The following PCCA variants were observed in gnomAD, a reference collection of about 807,000 sequenced individuals.
PCCA encodes propionyl-CoA carboxylase alpha chain, mitochondrial.
Under a neutral mutation model 101.3 loss-of-function variants are expected in PCCA, and 74 were observed. That is an observed-to-expected ratio of 0.73 (90% CI 0.61 to 0.89). The LOEUF is 0.89. Among genes scored for constraint, PCCA ranks in the 40% least tolerant of loss-of-function variants. PCCA has a pLI of 0.00. For synonymous variants in PCCA, 294 were observed against 313.6 expected (o/e 0.94, Z 0.66); for missense variants, 891 against 907.0 (o/e 0.98, Z 0.23).
intron 1 of PCCA, among the ~76,000 whole-genome samples, chr13:100,098,407 A>G (rs1459446945): frequency 8.5e-5 from 13 of 152,066 alleles, no homozygotes; most frequent in Admixed American, 8.5e-4. Context: ...GCCATATTGG[A>G]TGGAACAGCT....
chr13:100,431,936 TCC>T (rs1471649298), intron 20 of PCCA, among the ~76,000 whole-genome samples: 1 of 151,956 alleles, frequency 6.6e-6, no homozygotes, highest in African/African-American at 2.4e-5. Flanking sequence ...AAGCCTGTAA[TCC>T]CAGCACTTTG....
chr13:100,417,564 C>T (rs1387884028), intron 19 of PCCA, among the ~76,000 whole-genome samples: 1 of 152,102 alleles, frequency 6.6e-6, no homozygotes, highest in Non-Finnish European at 1.5e-5. Context: ...TGGCAGTCTG[C>T]CTGAGAGATG....
intron 2 of PCCA, among the ~76,000 whole-genome samples, chr13:100,106,662 G>A (rs1033065916): frequency 1.3e-5 from 2 of 152,044 alleles, no homozygotes; most frequent in Non-Finnish European, 2.9e-5. Flanking sequence ...TGATCCACCT[G>A]TCTCCACCTC....
chr13:100,329,567 T>A lies in PCCA; in HGVS notation c.1430-994T>A, dbSNP rs77344915. ...TGGCATTTGAAGCAAATTGGAAGGA[T>A]GAAAAAGCTCCATGAGTGGGTGCCT... On this transcript the variant is annotated intron_variant, in intron 16 of 23. Coordinates refer to ENST00000376285, the MANE Select transcript of PCCA (RefSeq NM_000282.4). Among the ~76,000 whole-genome samples the A allele has an allele frequency of 3.8e-3, 586 of 152,270 alleles. 5 individuals carry two copies. The highest frequency in any genetic ancestry group is 0.013 in the African/African-American group (559 of 41,552).
At chr13:100,140,281 C>T (rs1256329122) in intron 4 of PCCA, among the ~76,000 whole-genome samples, 2 of 152,134 alleles carry the variant, frequency 1.3e-5, no homozygotes, top group East Asian at 3.9e-4. Flanking sequence ...TTTACCTGCC[C>T]TCTTGAGACT....
At chr13:100,220,426 ATTTTTT>A (rs34275910) in intron 7 of PCCA, among the ~76,000 whole-genome samples, 3 of 132,516 alleles carry the variant, frequency 2.3e-5, no homozygotes. Context: ...TGCCTGACTA[ATTTTTT>A]TTTTTTTTTT....
chr13:100,294,059 G>T (rs945133560), intron 12 of PCCA, among the ~76,000 whole-genome samples: 5 of 152,288 alleles, frequency 3.3e-5, no homozygotes, highest in Non-Finnish European at 7.4e-5. Context: ...TCTGGAGGCT[G>T]GAAGTCCAAA....
intron 20 of PCCA, among the ~76,000 whole-genome samples, chr13:100,439,858 C>G (rs2080211235): frequency 6.6e-6 from 1 of 152,016 alleles, no homozygotes; most frequent in South Asian, 2.1e-4. Flanking sequence ...CTAACAATTT[C>G]TGCATTTGTG....
intron 4 of PCCA, among the ~76,000 whole-genome samples, chr13:100,114,096 T>C (rs1448297809): frequency 1.3e-5 from 2 of 151,926 alleles, no homozygotes; most frequent in East Asian, 3.9e-4. Flanking sequence ...CATCAAGACA[T>C]CAGTAGGCAT....
intron 12 of PCCA, among the ~76,000 whole-genome samples, chr13:100,299,298 C>T (rs528362325): frequency 1.6e-4 from 24 of 152,304 alleles, no homozygotes; most frequent in African/African-American, 5.8e-4. Flanking sequence ...TTTTCCTACA[C>T]AGTTAAAGAT....
At chr13:100,468,823 G>A (rs942573176) in intron 21 of PCCA, among the ~76,000 whole-genome samples, 6 of 152,104 alleles carry the variant, frequency 3.9e-5, no homozygotes, top group South Asian at 2.1e-4. Context: ...TCAGGAGTTC[G>A]AGACCAGCCT....
At chr13:100,514,673 G>A (rs2086703414) in intron 21 of PCCA, among the ~76,000 whole-genome samples, 1 of 152,144 alleles carries the variant, frequency 6.6e-6, no homozygotes, top group Non-Finnish European at 1.5e-5. Flanking sequence ...AAATATGCCC[G>A]ATTGTTTGAG....
At chr13:100,510,544 G>A (rs1238164495) in intron 21 of PCCA, among the ~76,000 whole-genome samples, 1 of 152,216 alleles carries the variant, frequency 6.6e-6, no homozygotes, top group Non-Finnish European at 1.5e-5. Context: ...TCTGAGCTGG[G>A]AGATTGAAGA....
At chr13:100,202,194 C>T (rs1025139572) in intron 6 of PCCA, among the ~76,000 whole-genome samples, 1 of 141,818 alleles carries the variant, frequency 7.1e-6, no homozygotes, top group Non-Finnish European at 1.5e-5. Context: ...AAAAACTGGG[C>T]ACAGCAGTAC....
chr13:100,091,436 A>G (rs1370918505), intron 1 of PCCA, among the ~76,000 whole-genome samples: 1 of 152,234 alleles, frequency 6.6e-6, no homozygotes, highest in Non-Finnish European at 1.5e-5. Flanking sequence ...ACAATAGAGT[A>G]GCATTATGTT....
At chr13:100,341,686 A>C (rs562140883) in intron 18 of PCCA, among the ~76,000 whole-genome samples, 1 of 152,124 alleles carries the variant, frequency 6.6e-6, no homozygotes, top group African/African-American at 2.4e-5. Context: ...CCTGAATTTC[A>C]TATTTTTTAT....
At chr13:100,227,920 TAAAAC>T (rs1447780247) in intron 7 of PCCA, among the ~76,000 whole-genome samples, 1 of 152,200 alleles carries the variant, frequency 6.6e-6, no homozygotes, top group Non-Finnish European at 1.5e-5. Context: ...GATATGAAAA[TAAAAC>T]TATTCTAAAG....
intron 16 of PCCA, among the ~76,000 whole-genome samples, chr13:100,312,198 A>G (rs894970345): frequency 1.8e-4 from 27 of 152,244 alleles, no homozygotes; most frequent in South Asian, 6.2e-4. Context: ...AAAACATATG[A>G]AAAGATAAGT....
intron 6 of PCCA, among the ~76,000 whole-genome samples, chr13:100,196,599 A>G (rs749024545): frequency 2.0e-4 from 31 of 152,210 alleles, no homozygotes; most frequent in Non-Finnish European, 3.7e-4. Context: ...AATGAAATCC[A>G]GATCCCAGTA....
Sources: allele counts gnomAD v4.1 joint callset (sites outside exome capture counted in the v4.1 genomes callset), GRCh38; gene constraint gnomAD v4.1.1; transcripts MANE v1.5; gene names NCBI Gene and HGNC (gene_info 2026-07-23, HGNC 2026-07-21).